Variants in PELP1 observed in about 807,000 individuals in gnomAD.
The protein encoded by PELP1 is proline, glutamate and leucine rich protein 1, also known as proline-, glutamic acid- and leucine-rich protein 1.
In PELP1, 32 loss-of-function variants were observed where a neutral mutation model predicts 95.5. That is an observed-to-expected ratio of 0.34 (90% CI 0.25 to 0.45). PELP1 has a LOEUF of 0.45. Ranked by LOEUF, PELP1 falls within the 20% of genes least tolerant of loss-of-function variation. The pLI is 1.00. For missense variants in PELP1, 1,358 were observed against 1,444.8 expected, an observed-to-expected ratio of 0.94 and a Z score of 0.97; for synonymous variants, 668 against 600.1, an observed-to-expected ratio of 1.11 and a Z score of -1.65.
intron 3 of PELP1, among the ~76,000 whole-genome samples, chr17:4,686,889 C>T (rs1296453187): frequency 3.9e-5 from 6 of 152,136 alleles, no homozygotes; most frequent in African/African-American, 1.4e-4. Context: ...GTTGCCACTA[C>T]TCCAAGAATA....
At position 4,674,604 on chromosome 17, in the gene PELP1, C is replaced by T. The variant is rs987283958; in HGVS notation, c.1488G>A (p.Lys496=). The T allele has an allele frequency of 1.9e-6, 3 of 1,609,278 alleles. No individual in the cohort carries two copies. The highest frequency in any genetic ancestry group is 2.7e-5 in the African/African-American group (2 of 74,576). The change falls in exon 13 of 17, where the codon AAG becomes AAA. Residue 496 remains lysine, a synonymous_variant. Coordinates refer to ENST00000572293, the MANE Select transcript of PELP1 (RefSeq NM_014389.3). ...TAGCTTCCCCCACATCCAGCTTTAG[C>T]TTCTTGGGGGCGCTAGGCTTCCCAG... ...LQTGKPSAPK[K]LKLDVGEAMA...
chr17:4,672,167 A>C lies in PELP1; in HGVS notation c.2824T>G (p.Leu942Val). ...TCCTCCTCTTCTTCTTCTTCCTCTA[A>C]CTCACCTTCTTCTTCCTCAAATTCT... Reference protein sequence around the residue: ...EEEFEEEEGELEEEEEEEDEE... With the variant: ...EEEFEEEEGEVEEEEEEEDEE... Residue 942 changes from leucine (L) to valine (V), a missense_variant, in exon 16 of 17, where the codon TTA becomes GTA. Physicochemically the swap from Leu to Val is conservative, Grantham distance 32. Transcript: ENST00000572293. 4 of 1,547,712 alleles carry C rather than the reference A, an allele frequency of 2.6e-6. No homozygotes were observed. The highest frequency in any genetic ancestry group is 2.8e-5 in the African/African-American group (2 of 71,464).
At position 4,672,394 on chromosome 17, in the gene PELP1, G is replaced by T. The variant is rs755377481; in HGVS notation, c.2597C>A (p.Pro866His). Residue 866 changes from proline (P) to histidine (H), a missense_variant, in exon 16 of 17, where the codon CCT becomes CAT. This residue lies in a region of PELP1 where 340 missense variants were observed against 322.9 expected (regional missense o/e 1.05). Transcript: ENST00000572293. The part of the protein sequence containing the change: ...PPPQLVPEGT[P>H]GGGGPPALEE... ...CAGGGCTGGGGGTCCTCCCCCACCA[G>T]GAGTCCCTTCAGGGACCAACTGGGG... 1 of 1,558,272 alleles carries T rather than the reference G, an allele frequency of 6.4e-7. No homozygotes were observed. Among genetic ancestry groups the T allele is most frequent in the African/African-American group, 1.4e-5 (1 of 73,798 alleles).
chr17:4,679,374 CA>C (rs1438898213), intron 5 of PELP1, among the ~76,000 whole-genome samples: 1 of 152,082 alleles, frequency 6.6e-6, no homozygotes, highest in African/African-American at 2.4e-5. Flanking sequence ...AACTGTCTGA[CA>C]AAAGGTTGAG....
At chr17:4,699,487 AAAG>A (rs1269616802) in intron 1 of PELP1, among the ~76,000 whole-genome samples, 3 of 152,206 alleles carry the variant, frequency 2.0e-5, no homozygotes, top group South Asian at 2.1e-4. Context: ...AGTAACGCTA[AAAG>A]AAGAAGAAGG....
In PELP1 at chr17:4,673,063, G is replaced by T. The variant is rs1232170401; in HGVS notation, c.1928C>A (p.Pro643His). 6.5e-7 allele frequency: 1 copy of T among 1,526,958 alleles called. No homozygotes were observed. Among genetic ancestry groups the T allele is most frequent in the East Asian group, 2.3e-5 (1 of 44,200 alleles). 94.6% of individuals were successfully genotyped at this position (1,526,958 alleles called of 1,614,324 possible). ...PRVPPLQPMG[P>H]TCPTPAPVPP... ...AACTGGAGCAGGTGTGGGGCAGGTG[G>T]GGCCCATGGGCTGCAGGGGAGGAAC... The change falls in exon 16 of 17, where the codon CCC becomes CAC. Residue 643 changes from proline (P) to histidine (H), a missense_variant. This residue lies in a region of PELP1 where 340 missense variants were observed against 322.9 expected (regional missense o/e 1.05). Transcript: ENST00000572293. The surrounding 1 kb of genome is among the most constrained non-coding windows in gnomAD (Gnocchi z 5.7).
intron 5 of PELP1, among the ~76,000 whole-genome samples, chr17:4,679,955 C>T (rs370039733): frequency 1.3e-5 from 2 of 152,146 alleles, no homozygotes; most frequent in South Asian, 2.1e-4. Flanking sequence ...GCGCTCAGGC[C>T]GATGGAACTC....
intron 1 of PELP1, among the ~76,000 whole-genome samples, chr17:4,692,264 G>A (rs950979184): frequency 9.9e-5 from 15 of 152,112 alleles, no homozygotes; most frequent in Admixed American, 3.3e-4. Flanking sequence ...TCAGGAGATC[G>A]AGACCATCCT....
chr17:4,701,328 G>GGT (rs1555555270), intron 1 of PELP1, among the ~76,000 whole-genome samples: 3 of 151,328 alleles, frequency 2.0e-5, no homozygotes, highest in African/African-American at 2.4e-5. Flanking sequence ...GAGAGTTGGG[G>GGT]GGGTGGGGGC....
rs1912310584 is a variant in PELP1, at chr17:4,673,221, CA to C, written c.1845+28del. 9 of 1,547,224 alleles carry C rather than the reference CA, an allele frequency of 5.8e-6. No homozygotes were observed. The highest frequency in any genetic ancestry group is 7.9e-6 in the Non-Finnish European group (9 of 1,142,016). The stretch of plus-strand genomic sequence containing the variant: ...CTTGGAAACAAGAGACTCCAGGAAC[CA>C]AAGAGGGGCTTGGCCCATCACAGTT... On this transcript the variant is annotated intron_variant, in intron 15 of 16. Coordinates refer to ENST00000572293, the MANE Select transcript of PELP1 (RefSeq NM_014389.3). The surrounding 1 kb of genome is among the most constrained non-coding windows in gnomAD (Gnocchi z 5.7).
Position 4,673,962 on chromosome 17 carries a change from C to A in PELP1, c.1583-288G>T. 1 of 424,308 alleles carries A rather than the reference C, an allele frequency of 2.4e-6. No homozygotes were observed. Among genetic ancestry groups the A allele is most frequent in the Non-Finnish European group, 4.3e-6 (1 of 232,228 alleles). The allele number at this position is 424,308 out of a possible 1,614,324, so 26.3% of individuals were successfully genotyped here. A position where few individuals can be genotyped will look rare whatever the true frequency, so the allele number is the denominator to read the frequency against. On this transcript the variant is annotated intron_variant, in intron 13 of 16. Transcript: ENST00000572293. This position sits in a 1 kb window ranked among gnomAD's most constrained non-coding sequence, Gnocchi z 5.7. The stretch of plus-strand genomic sequence containing the variant: ...CCTTCCCATGGGATGGGGTGGCAGG[C>A]AGTGAAATATATGGGACCCAGAGGA...
intron 5 of PELP1, 47 bp from the exon 6 acceptor site, chr17:4,676,859 A>C (rs1283822218): frequency 5.0e-6 from 7 of 1,409,784 alleles, no homozygotes; most frequent in Non-Finnish European, 6.9e-6. Flanking sequence ...CAGCTCTGAG[A>C]GCCAGAGATG....
In PELP1 at chr17:4,672,842, C is replaced by T; in HGVS notation, c.2149G>A (p.Val717Met). ...GGAAGAAGCCGGGGAGGGACAGACACTAGGCCTGGGACAGAAAGGCCTAGG... is the reference window on the plus strand; with the variant it reads ...GGAAGAAGCCGGGGAGGGACAGACATTAGGCCTGGGACAGAAAGGCCTAGG... ...NHLGLSVPGLVSVPPRLLPGP... is the reference protein window; with the variant it reads ...NHLGLSVPGLMSVPPRLLPGP... Residue 717 changes from valine (V) to methionine (M), a missense_variant, in exon 16 of 17, where the codon GTG (valine) becomes ATG (methionine). Transcript: ENST00000572293. 6.2e-7 allele frequency: 1 copy of T among 1,613,940 alleles called. No individual in the cohort carries two copies. The highest frequency in any genetic ancestry group is 8.5e-7 in the Non-Finnish European group (1 of 1,179,872).
intron 3 of PELP1, among the ~76,000 whole-genome samples, chr17:4,683,629 C>T (rs1228919360): frequency 6.8e-6 from 1 of 146,558 alleles, no homozygotes; most frequent in Non-Finnish European, 1.5e-5. Context: ...CTCCTGGGTT[C>T]AAGTGATTCT....
intron 3 of PELP1, among the ~76,000 whole-genome samples, chr17:4,689,008 C>G (rs911032829): frequency 3.3e-5 from 5 of 152,154 alleles, no homozygotes; most frequent in Admixed American, 1.3e-4. Flanking sequence ...GCACATAGAC[C>G]AATGGAACAG....
chr17:4,687,402 A>G (rs535243268), intron 3 of PELP1, among the ~76,000 whole-genome samples: 293 of 151,172 alleles, frequency 1.9e-3, no homozygotes, highest in Non-Finnish European at 3.4e-3. Flanking sequence ...AAATTAGCCA[A>G]GTGTGGTGGC....
chr17:4,697,504 A>G (rs973466689), intron 1 of PELP1, among the ~76,000 whole-genome samples: 1 of 152,194 alleles, frequency 6.6e-6, no homozygotes, highest in Non-Finnish European at 1.5e-5. Context: ...ACACAGCGAG[A>G]CCCTGTCTCA....
At chr17:4,687,413 G>A (rs1912944256) in intron 3 of PELP1, among the ~76,000 whole-genome samples, 2 of 151,396 alleles carry the variant, frequency 1.3e-5, no homozygotes, top group African/African-American at 4.9e-5. Context: ...GTGTGGTGGC[G>A]GGAGCCTGTA....
In PELP1 at chr17:4,682,872, T is replaced by C. The variant is rs1246190485; in HGVS notation, c.501A>G (p.Ala167=). 1 of 1,600,180 alleles carries C rather than the reference T, an allele frequency of 6.2e-7. No homozygotes were observed. Among genetic ancestry groups the C allele is most frequent in the African/African-American group, 1.3e-5 (1 of 74,492 alleles). Reference sequence around the variant, plus strand: ...GGTTCATGGAGATGTCCCGGAACAGTGCAGGCAGCTGGGCTGCATATCGGA... The same window carrying C: ...GGTTCATGGAGATGTCCCGGAACAGCGCAGGCAGCTGGGCTGCATATCGGA... ...DLLRYAAQLP[A]LFRDISMNHL... The change falls in exon 4 of 17, where the codon GCA becomes GCG. Residue 167 remains alanine (A), a synonymous_variant. Transcript: ENST00000572293.
Sources: allele counts gnomAD v4.1 joint callset (sites outside exome capture counted in the v4.1 genomes callset), GRCh38; gene constraint gnomAD v4.1.1; regional missense constraint gnomAD v4.1.1; non-coding constraint Gnocchi (gnomAD v3.1); transcripts MANE v1.5; gene names NCBI Gene and HGNC (gene_info 2026-07-23, HGNC 2026-07-21).